MRAP2: variants seen among roughly 807,000 people sequenced by gnomAD.
MRAP2 encodes melanocortin-2 receptor accessory protein 2.
Under a neutral mutation model 17.4 loss-of-function variants are expected in MRAP2, and 20 were observed. The observed-to-expected ratio is 1.15, with a 90% confidence interval of 0.81 to 1.67. The LOEUF is 1.67. Among genes scored for constraint, MRAP2 ranks in the 40% most tolerant of loss-of-function variants. MRAP2 has a pLI of 0.00. For synonymous variants in MRAP2, 96 were observed against 88.4 expected, an observed-to-expected ratio of 1.09 and a Z score of -0.48; for missense variants, 238 against 240.0, an observed-to-expected ratio of 0.99 and a Z score of 0.05.
chr6:84,123,396 G>A, the MRAP2 span, among the ~76,000 whole-genome samples: 456 of 151,962 alleles, frequency 3.0e-3, 2 homozygotes, highest in African/African-American at 0.01. Context: ...TCAATGGAAC[G>A]GAATAGAGAA....
chr6:84,095,531 T>C (rs751241718), downstream of MRAP2, among the ~76,000 whole-genome samples: 13 of 152,250 alleles, frequency 8.5e-5, no homozygotes, highest in Non-Finnish European at 1.2e-4. Flanking sequence ...CCTGAATTTC[T>C]CTTTTAGAGA....
At chr6:84,067,901 C>A (rs1233299196) in intron 3 of MRAP2, among the ~76,000 whole-genome samples, 2 of 152,072 alleles carry the variant, frequency 1.3e-5, no homozygotes, top group African/African-American at 4.8e-5. Context: ...TAATTAAGTT[C>A]CAACTATTTA....
chr6:84,125,286 C>T, the MRAP2 span: 7 of 1,610,294 alleles, frequency 4.3e-6, no homozygotes, highest in Middle Eastern at 1.7e-4. Context: ...TCTGCAAATA[C>T]AAAAATTCCA....
chr6:84,033,703 C>T (rs993587573), upstream of MRAP2: 8 of 985,280 alleles, frequency 8.1e-6, no homozygotes, highest in African/African-American at 1.2e-4. Context: ...AGCCCTGCTC[C>T]GGCGCCCCGC....
intron 1 of MRAP2, among the ~76,000 whole-genome samples, chr6:84,035,654 C>G (rs899885755): frequency 6.6e-6 from 1 of 152,242 alleles, no homozygotes; most frequent in Non-Finnish European, 1.5e-5. Context: ...CCTGCTGCCT[C>G]TGCGTGAGTG....
chr6:84,045,424 C>T, intron 1 of MRAP2: 1 of 978,476 alleles, frequency 1.0e-6, no homozygotes, highest in Non-Finnish European at 1.2e-6. Flanking sequence ...TGACCTGCCC[C>T]CAGCCGTCAC....
chr6:84,034,926 A>G (rs776663242), intron 1 of MRAP2, among the ~76,000 whole-genome samples: 2 of 152,136 alleles, frequency 1.3e-5, no homozygotes, highest in Non-Finnish European at 2.9e-5. Context: ...CTTTAGGTAC[A>G]TTGCATGGGG....
chr6:84,104,573 A>C, the MRAP2 span, among the ~76,000 whole-genome samples: 1 of 152,184 alleles, frequency 6.6e-6, no homozygotes, highest in Admixed American at 6.5e-5. Flanking sequence ...TGTTGCTTAG[A>C]AATTTCTTCC....
chr6:84,123,521 C>T, the MRAP2 span, among the ~76,000 whole-genome samples: 1 of 152,034 alleles, frequency 6.6e-6, no homozygotes, highest in African/African-American at 2.4e-5. Context: ...ACTGATTTGC[C>T]TTATACAGAA....
At chr6:84,137,376 ACTAT>A in the MRAP2 span, among the ~76,000 whole-genome samples, 1 of 150,326 alleles carries the variant, frequency 6.7e-6, no homozygotes, top group African/African-American at 2.5e-5. Flanking sequence ...TGATCATTCC[ACTAT>A]CTGTTCATAA....
At chr6:84,119,776 A>C in the MRAP2 span, among the ~76,000 whole-genome samples, 12 of 152,304 alleles carry the variant, frequency 7.9e-5, 1 homozygote, top group South Asian at 1.9e-3. Flanking sequence ...CCCATAGACT[A>C]TCAGTGTTCC....
intron 1 of MRAP2, among the ~76,000 whole-genome samples, chr6:84,034,164 G>A (rs1225530019): frequency 6.6e-6 from 1 of 152,092 alleles, no homozygotes; most frequent in Non-Finnish European, 1.5e-5. Context: ...AAGCGGCGGC[G>A]CTCGGGGCTT....
intron 3 of MRAP2, among the ~76,000 whole-genome samples, chr6:84,070,232 G>A (rs1470221786): frequency 6.6e-6 from 1 of 152,006 alleles, no homozygotes; most frequent in Non-Finnish European, 1.5e-5. Context: ...GGTGTTTAGG[G>A]TTATGAACTT....
the MRAP2 span, among the ~76,000 whole-genome samples, chr6:84,116,168 T>G: frequency 1.3e-5 from 2 of 152,142 alleles, no homozygotes; most frequent in African/African-American, 4.8e-5. Context: ...CTATGTTGAA[T>G]AGGAGTGGTG....
chr6:84,063,784 C>T (rs903856614), intron 3 of MRAP2, among the ~76,000 whole-genome samples: 2 of 152,148 alleles, frequency 1.3e-5, no homozygotes, highest in East Asian at 1.9e-4. Context: ...TGGTGGCTCA[C>T]GCCTGTAATC....
intron 1 of MRAP2, among the ~76,000 whole-genome samples, chr6:84,050,035 A>G (rs1216803757): frequency 6.6e-6 from 1 of 152,042 alleles, no homozygotes; most frequent in African/African-American, 2.4e-5. Context: ...TTGAGTGGCC[A>G]GAGCATCAGA....
chr6:84,084,959 T>A (rs145192335), intron 3 of MRAP2, among the ~76,000 whole-genome samples: 11,318 of 138,354 alleles, frequency 0.082, 594 homozygotes, highest in Middle Eastern at 0.18. Context: ...TTATTTTATT[T>A]TATTATACTT....
chr6:84,128,267 C>A, the MRAP2 span, among the ~76,000 whole-genome samples: 4 of 151,944 alleles, frequency 2.6e-5, no homozygotes, highest in Admixed American at 6.6e-5. Flanking sequence ...CCTAAAAGAA[C>A]CTTTAAGAAT....
rs115132479 is a variant in MRAP2, at chr6:84,089,093, A to G, written c.230A>G (p.Asn77Ser). 35 of 1,607,690 alleles carry G rather than the reference A, an allele frequency of 2.2e-5. No individual in the cohort carries two copies. Among genetic ancestry groups the G allele is most frequent in the Non-Finnish European group, 2.8e-5 (33 of 1,177,706 alleles). Residue 77 changes from asparagine to serine, a missense_variant and splice_region_variant, in exon 4 of 4, where the codon AAT becomes AGT. Asn to Ser is a conservative substitution (Grantham distance 46, BLOSUM62 1). Transcript: ENST00000257776. ...LTKTGAPHQD[N>S]AESSEKRFRM... ...TTTTATTTTCTTTTTTTAAATAGCA[A>G]TGCAGAGTCCTCAGAGAAGAGATTC... is the stretch of plus-strand genomic sequence containing the variant.
Sources: allele counts gnomAD v4.1 joint callset (sites outside exome capture counted in the v4.1 genomes callset), GRCh38; gene constraint gnomAD v4.1.1; transcripts MANE v1.5; gene names NCBI Gene and HGNC (gene_info 2026-07-23, HGNC 2026-07-21).